The following SLITRK4 variants were observed in gnomAD, a reference collection of about 807,000 sequenced individuals.
SLITRK4 encodes the protein SLIT and NTRK-like protein 4.
A neutral mutation model predicts 34.7 loss-of-function variants in SLITRK4; 7 were observed. That is an observed-to-expected ratio of 0.20 (90% CI 0.11 to 0.38). The LOEUF (loss-of-function observed/expected upper bound fraction) is 0.38. SLITRK4 is among the 10% of genes least tolerant of loss of function. The probability of loss-of-function intolerance (pLI) is 1.00; values close to 1 mark genes in which losing one functional copy is unlikely to be tolerated. For missense variants in SLITRK4, 474 were observed against 607.0 expected (o/e 0.78, Z 2.30); for synonymous variants, 237 against 246.2 (o/e 0.96, Z 0.35).
At position 143,627,115 on chromosome X, in the gene SLITRK4, T is replaced by G. The variant is rs1382806572; in HGVS notation, c.*1480A>C. 9.2e-6 allele frequency: 1 copy of G among 109,114 alleles called. No individual in the cohort carries two copies. The highest frequency in any genetic ancestry group is 3.3e-5 in the African/African-American group (1 of 30,015). The allele number at this position is 109,114 out of a possible 1,213,427, so 9.0% of individuals were successfully genotyped here. A position where few individuals can be genotyped will look rare whatever the true frequency, so the allele number is the denominator to read the frequency against. On this transcript the variant is annotated 3_prime_UTR_variant, in exon 2 of 2. Transcript: ENST00000356928. ...TTTGTAGTTGCAGACTGTGAACTCA[T>G]CTGAAACCAATGCAAGCATTTTTAC...
Position 143,631,017 on chromosome X carries a change from G to A in SLITRK4, c.92C>T (p.Ser31Phe). The change falls in exon 2 of 2, where the codon TCC (serine) becomes TTC (phenylalanine). Residue 31 changes from serine to phenylalanine, a missense_variant. Ser to Phe is a radical substitution (Grantham distance 155). Coordinates refer to ENST00000356928, the MANE Select transcript of SLITRK4 (RefSeq NM_001184749.3). Reference protein sequence around the residue: ...DISVEICNVCSCVSVENVLYV... With the variant: ...DISVEICNVCFCVSVENVLYV... ...GAGCACATTCTCAACTGACACGCAG[G>A]AACACACATTGCAAATTTCCACCGA... 1.7e-6 allele frequency: 2 copies of A among 1,208,068 alleles called. No individual in the cohort carries two copies. Among genetic ancestry groups the A allele is most frequent in the Non-Finnish European group, 2.2e-6 (2 of 894,454 alleles).
chrX:143,629,779 T>C lies in SLITRK4; in HGVS notation c.1330A>G (p.Ile444Val), dbSNP rs2124327352. 3 of 1,210,473 alleles carry C rather than the reference T, an allele frequency of 2.5e-6. No individual in the cohort carries two copies. In the East Asian group the frequency reaches 8.9e-5, roughly 36 times the overall value. Residue 444 changes from isoleucine to valine, a missense_variant, in exon 2 of 2, where the codon ATA (isoleucine) becomes GTA (valine). This residue lies in a region of SLITRK4 where 345 missense variants were observed against 406.5 expected (regional missense o/e 0.85). Coordinates refer to ENST00000356928, the MANE Select transcript of SLITRK4 (RefSeq NM_001184749.3). ...TGCAGGTTATGAAGACCTGAAAATA[T>C]TTCAGGATAGAGTCTCTCAATTTGA... ...GNQIERLYPE[I>V]FSGLHNLQYL...
chrX:143,632,925 A>T (rs782527031), intron 1 of SLITRK4, among the ~76,000 whole-genome samples: 2 of 110,967 alleles, frequency 1.8e-5, no homozygotes, highest in Non-Finnish European at 3.8e-5. Flanking sequence ...CAGTTGAGTC[A>T]TTTCTTGTTA....
At chrX:143,635,212 C>G (rs1342428003) in intron 1 of SLITRK4, 1 of 94,601 alleles carries the variant, frequency 1.1e-5, no homozygotes, top group Non-Finnish European at 2.1e-5. Flanking sequence ...ACTTTGACCC[C>G]CTCACATTCC....
chrX:143,629,918 G>T lies in SLITRK4; in HGVS notation c.1191C>A (p.Phe397Leu). The T allele has an allele frequency of 4.1e-6, 5 of 1,211,777 alleles. No individual in the cohort carries two copies. In the East Asian group the frequency reaches 1.2e-4, roughly 29 times the overall value. Reference sequence around the variant, plus strand: ...GCAAATCCAGTCCTTCAAAGTCAGTGAAGTCTGATACGTCCACATCCTTGA... The same window carrying T: ...GCAAATCCAGTCCTTCAAAGTCAGTTAAGTCTGATACGTCCACATCCTTGA... ...NSIKDVDVSD[F>L]TDFEGLDLLH... The change falls in exon 2 of 2, where the codon TTC (phenylalanine) becomes TTA (leucine). Residue 397 changes from phenylalanine to leucine, a missense_variant. Phe to Leu is a conservative substitution (Grantham distance 22, BLOSUM62 0). Transcript: ENST00000356928.
Position 143,631,209 on chromosome X carries a change from A to T in SLITRK4, c.-50-51T>A, listed in dbSNP as rs1022346115. On this transcript the variant is annotated intron_variant, in intron 1 of 1. Transcript: ENST00000356928. ...TTCAATGGTCATTACTTGAAAAATTACTTGTATGTAAATCATACCATAGTG... is the reference window on the plus strand; with the variant it reads ...TTCAATGGTCATTACTTGAAAAATTTCTTGTATGTAAATCATACCATAGTG... The T allele has an allele frequency of 2.6e-4, 180 of 686,730 alleles. 1 individual carries two copies. The highest frequency in any genetic ancestry group is 3.1e-5 in the Non-Finnish European group (15 of 480,174). The allele number at this position is 686,730 out of a possible 1,213,427, so 56.6% of individuals were successfully genotyped here.
intron 1 of SLITRK4, among the ~76,000 whole-genome samples, chrX:143,631,493 C>T (rs1556428640): frequency 9.1e-6 from 1 of 109,478 alleles, no homozygotes; most frequent in East Asian, 2.8e-4. Context: ...AGGCCTTAAG[C>T]TTCCTACTTG....
At position 143,628,921 on chromosome X, in the gene SLITRK4, C is replaced by A. The variant is rs1556426104; in HGVS notation, c.2188G>T (p.Asp730Tyr). 2 of 1,211,691 alleles carry A rather than the reference C, an allele frequency of 1.7e-6. No individual in the cohort carries two copies. The change falls in exon 2 of 2, where the codon GAT (aspartate) becomes TAT (tyrosine). Residue 730 changes from aspartate (D) to tyrosine (Y), a missense_variant. Around this residue, in one of 3 missense-constraint regions of SLITRK4, gnomAD observed 345 missense variants for 406.5 expected, o/e 0.85. Transcript: ENST00000356928. ...TTCCTGGTATCTACATGTAATAAAT[C>A]TTTCTCCTTGTCGGCCACATTTCTC... ...VMRNVADKEKDLLHVDTRKRL... is the reference protein window; with the variant it reads ...VMRNVADKEKYLLHVDTRKRL...
intron 1 of SLITRK4, among the ~76,000 whole-genome samples, chrX:143,632,253 C>T (rs1556428995): frequency 3.6e-5 from 4 of 111,483 alleles, no homozygotes; most frequent in Non-Finnish European, 7.5e-5. Flanking sequence ...AACACCCACC[C>T]GCCCTTCCTA....
chrX:143,628,353 T>A lies in SLITRK4; in HGVS notation c.*242A>T, dbSNP rs1433560337. 2.8e-6 allele frequency: 1 copy of A among 354,335 alleles called. No homozygotes were observed. The highest frequency in any genetic ancestry group is 2.7e-5 in the African/African-American group (1 of 37,247). The allele number at this position is 354,335 out of a possible 1,213,427, so 29.2% of individuals were successfully genotyped here. ...AATTCAGTATTATGTGTATAAAGCATCCCTTTGGCAATAGAGTTTGCAGTA... is the reference window on the plus strand; with the variant it reads ...AATTCAGTATTATGTGTATAAAGCAACCCTTTGGCAATAGAGTTTGCAGTA... On this transcript the variant is annotated 3_prime_UTR_variant, in exon 2 of 2. Transcript: ENST00000356928.
At chrX:143,633,298 A>G (rs1303608048) in intron 1 of SLITRK4, among the ~76,000 whole-genome samples, 2 of 111,390 alleles carry the variant, frequency 1.8e-5, no homozygotes, top group Non-Finnish European at 3.8e-5. Context: ...ATGTGGAGAA[A>G]GGAAGAAAAA....
At position 143,628,128 on chromosome X, in the gene SLITRK4, A is replaced by G; in HGVS notation, c.*467T>C. On this transcript the variant is annotated 3_prime_UTR_variant, in exon 2 of 2. Transcript: ENST00000356928. ...TTTTTTTTTTTTTTTTTTTTTTTTT[A>G]CTTTTCAGATAATCTTTACACGGAG... 2 of 32,508 alleles carry G rather than the reference A, an allele frequency of 6.2e-5. No homozygotes were observed. The highest frequency in any genetic ancestry group is 4.2e-4 in the African/African-American group (2 of 4,757). 2.7% of individuals were successfully genotyped at this position (32,508 alleles called of 1,213,427 possible).
At position 143,629,268 on chromosome X, in the gene SLITRK4, G is replaced by A; in HGVS notation, c.1841C>T (p.Pro614Leu). The A allele has an allele frequency of 1.7e-6, 2 of 1,212,022 alleles. No individual in the cohort carries two copies. The highest frequency in any genetic ancestry group is 2.2e-6 in the Non-Finnish European group (2 of 895,587). The stretch of plus-strand genomic sequence containing the variant: ...TAAGATTAAAATAGACAGAGGCACT[G>A]GCCCACCAGGAGGACTTCGAATGGG... The part of the protein sequence containing the change: ...LGPIRSPPGG[P>L]VPLSILILSI... The change falls in exon 2 of 2, where the codon CCA becomes CTA. Residue 614 changes from proline to leucine, a missense_variant. Physicochemically the swap from Pro to Leu is moderately conservative, Grantham distance 98 (BLOSUM62 -3). Transcript: ENST00000356928.
chrX:143,635,237 C>T (rs782792706), intron 1 of SLITRK4: 2 of 98,520 alleles, frequency 2.0e-5, no homozygotes, highest in Non-Finnish European at 4.1e-5. Context: ...CTCCTACCCC[C>T]GTCCCCCATC....
rs1306676838 is a variant in SLITRK4, at chrX:143,628,156, G to T, written c.*439C>A. 2 of 79,968 alleles carry T rather than the reference G, an allele frequency of 2.5e-5. No individual in the cohort carries two copies. The highest frequency in any genetic ancestry group is 4.2e-5 in the Non-Finnish European group (2 of 47,230). The allele number at this position is 79,968 out of a possible 1,213,427, so 6.6% of individuals were successfully genotyped here. On this transcript the variant is annotated 3_prime_UTR_variant, in exon 2 of 2. Transcript: ENST00000356928. Reference sequence around the variant, plus strand: ...TTTCAGATAATCTTTACACGGAGTTGTTACAATGCCACAAATCAAAAGGAT... The same window carrying T: ...TTTCAGATAATCTTTACACGGAGTTTTTACAATGCCACAAATCAAAAGGAT...
intron 1 of SLITRK4, among the ~76,000 whole-genome samples, chrX:143,631,750 C>T (rs1447905345): frequency 9.0e-6 from 1 of 111,207 alleles, no homozygotes; most frequent in Non-Finnish European, 1.9e-5. Flanking sequence ...GCTGTAGCCC[C>T]ATAGGTAAGT....
rs1930805928 is a variant in SLITRK4, at chrX:143,626,847, C to A, written c.*1748G>T. 1 of 106,571 alleles carries A rather than the reference C, an allele frequency of 9.4e-6. No homozygotes were observed. Among genetic ancestry groups the A allele is most frequent in the South Asian group, 3.9e-4 (1 of 2,544 alleles). The allele number at this position is 106,571 out of a possible 1,213,427, so 8.8% of individuals were successfully genotyped here. On this transcript the variant is annotated 3_prime_UTR_variant, in exon 2 of 2. Coordinates refer to ENST00000356928, the MANE Select transcript of SLITRK4 (RefSeq NM_001184749.3). ...ACATACATATATGTATATATATACA[C>A]ACACATATATATACACACGCATATA...
In SLITRK4 at chrX:143,626,813, T is replaced by C. The variant is rs1930801643; in HGVS notation, c.*1782A>G. ...CACACACACACTATATATATATGTA[T>C]ACACACACACATACATATATGTATA... On this transcript the variant is annotated 3_prime_UTR_variant, in exon 2 of 2. Transcript: ENST00000356928. 9.4e-6 allele frequency: 1 copy of C among 106,345 alleles called. No homozygotes were observed. The highest frequency in any genetic ancestry group is 3.4e-5 in the African/African-American group (1 of 29,263). The allele number at this position is 106,345 out of a possible 1,213,427, so 8.8% of individuals were successfully genotyped here.
chrX:143,629,389 G>A lies in SLITRK4; in HGVS notation c.1720C>T (p.Leu574Phe). 1 of 1,211,566 alleles carries A rather than the reference G, an allele frequency of 8.3e-7. No homozygotes were observed. Among genetic ancestry groups the A allele is most frequent in the Non-Finnish European group, 1.1e-6 (1 of 895,517 alleles). Residue 574 changes from leucine (L) to phenylalanine (F), a missense_variant, in exon 2 of 2, where the codon CTC (leucine) becomes TTC (phenylalanine). Transcript: ENST00000356928. ...VQFANIELKSLKNEILCPKLL... is the reference protein window; with the variant it reads ...VQFANIELKSFKNEILCPKLL... ...TTGGGACATAAGATTTCATTTTTGA[G>A]GGACTTCAGTTCAATGTTGGCAAAC...
Sources: allele counts gnomAD v4.1 joint callset (sites outside exome capture counted in the v4.1 genomes callset), GRCh38; gene constraint gnomAD v4.1.1; regional missense constraint gnomAD v4.1.1; transcripts MANE v1.5; gene names NCBI Gene and HGNC (gene_info 2026-07-23, HGNC 2026-07-21).